FRMPD4: variants seen among roughly 807,000 people sequenced by gnomAD.
The protein encoded by FRMPD4 is FERM and PDZ domain-containing protein 4.
A neutral mutation model predicts 94.1 loss-of-function variants in FRMPD4; 22 were observed. That is an observed-to-expected ratio of 0.23 (90% CI 0.17 to 0.33). The LOEUF (loss-of-function observed/expected upper bound fraction) is 0.33, where lower values mean the gene tolerates loss of function less well. Among genes scored for constraint, FRMPD4 ranks in the 10% least tolerant of loss-of-function variants. The probability of loss-of-function intolerance (pLI) is 1.00; values close to 1 mark genes in which losing one functional copy is unlikely to be tolerated. For synonymous variants in FRMPD4, 631 were observed against 548.6 expected (o/e 1.15, Z -2.10); for missense variants, 1,111 against 1,339.9 (o/e 0.83, Z 2.67).
At chrX:11,861,220 T>G (rs960075631) in intron 1 of FRMPD4, among the ~76,000 whole-genome samples, 8 of 111,822 alleles carry the variant, frequency 7.2e-5, no homozygotes, top group African/African-American at 2.6e-4. Flanking sequence ...GAGGTATTAT[T>G]AGGACCTTAT....
intron 1 of FRMPD4, among the ~76,000 whole-genome samples, chrX:12,381,437 G>C (rs1162048156): frequency 8.9e-6 from 1 of 112,048 alleles, no homozygotes; most frequent in Non-Finnish European, 1.9e-5. Flanking sequence ...GCTCAAAGTT[G>C]ATTAAAATTA....
chrX:12,519,049 A>G (rs1206523895), intron 2 of FRMPD4, among the ~76,000 whole-genome samples: 4 of 112,781 alleles, frequency 3.5e-5, no homozygotes, highest in Non-Finnish European at 7.5e-5. Flanking sequence ...AGTAAAGACG[A>G]CAAAAATAAA....
intron 11 of FRMPD4, 52 bp downstream of exon 11, chrX:12,704,537 A>G (rs1442102532): frequency 1.1e-6 from 1 of 873,995 alleles, no homozygotes; most frequent in Non-Finnish European, 1.6e-6. Context: ...GCTTGAATGC[A>G]TTTTTTAAAT....
chrX:12,619,554 C>T (rs756321446), intron 4 of FRMPD4, among the ~76,000 whole-genome samples: 1 of 111,776 alleles, frequency 8.9e-6, no homozygotes, highest in Non-Finnish European at 1.9e-5. Context: ...GTGGCAGACT[C>T]ACTGACTATG....
intron 3 of FRMPD4, among the ~76,000 whole-genome samples, chrX:12,121,006 TATA>T (rs972557933): frequency 3.7e-4 from 40 of 108,980 alleles, no homozygotes; most frequent in East Asian, 1.1e-3. Flanking sequence ...TACTAATTTT[TATA>T]ATAATAATAC....
At chrX:12,119,260 T>C (rs929244628) in intron 3 of FRMPD4, among the ~76,000 whole-genome samples, 2 of 111,660 alleles carry the variant, frequency 1.8e-5, no homozygotes, top group Non-Finnish European at 1.9e-5. Context: ...GGATGCATCA[T>C]TGAGTAATAT....
At chrX:12,417,092 A>ATACTC (rs2148076221) in intron 1 of FRMPD4, among the ~76,000 whole-genome samples, 1 of 111,221 alleles carries the variant, frequency 9.0e-6, no homozygotes, top group Admixed American at 9.5e-5. Context: ...GCATGAGTGC[A>ATACTC]TACTCTAATA....
chrX:11,994,945 T>C (rs1395640603), intron 3 of FRMPD4, among the ~76,000 whole-genome samples: 1 of 111,833 alleles, frequency 8.9e-6, no homozygotes, highest in Admixed American at 9.5e-5. Flanking sequence ...TGATGTGTTA[T>C]GTCTGCTCTG....
chrX:12,417,355 G>T, intron 1 of FRMPD4, among the ~76,000 whole-genome samples: 1 of 109,896 alleles, frequency 9.1e-6, no homozygotes, highest in Non-Finnish European at 1.9e-5. Context: ...GAGGGGAGTG[G>T]ATCACCTGCG....
chrX:12,614,806 C>T lies in FRMPD4; in HGVS notation c.347C>T (p.Pro116Leu). ...GGCCCCTCTGAAGGCAAGCTGATCC[C>T]GGGAGATCAGATTGTAATGATTAAT... ...PGGPSEGKLIPGDQIVMINDE... is the reference protein window; with the variant it reads ...PGGPSEGKLILGDQIVMINDE... Residue 116 changes from proline (P) to leucine (L), a missense_variant, in exon 4 of 17, where the codon CCG (proline) becomes CTG (leucine). Coordinates refer to ENST00000675598, the MANE Select transcript of FRMPD4 (RefSeq NM_001368397.1). 2.5e-6 allele frequency: 3 copies of T among 1,187,415 alleles called. No individual in the cohort carries two copies. The highest frequency in any genetic ancestry group is 2.3e-6 in the Non-Finnish European group (2 of 874,627).
intron 1 of FRMPD4, among the ~76,000 whole-genome samples, chrX:12,405,462 T>C (rs144240250): frequency 1.2e-3 from 137 of 111,131 alleles, no homozygotes; most frequent in African/African-American, 4.4e-3. Flanking sequence ...ATTCCATGCA[T>C]AACAATCACA....
At chrX:12,317,887 G>C (rs1286742784) in intron 1 of FRMPD4, among the ~76,000 whole-genome samples, 1 of 111,976 alleles carries the variant, frequency 8.9e-6, no homozygotes, top group African/African-American at 3.2e-5. Context: ...TGGAAAACAG[G>C]ATGGAGGTTC....
chrX:12,701,824 G>A (rs377486892), intron 9 of FRMPD4, 50 bp from the exon 10 acceptor site: 206 of 1,183,036 alleles, frequency 1.7e-4, no homozygotes, highest in Non-Finnish European at 2.3e-4. Context: ...AAGTCCACGC[G>A]CTGCGGCCTA....
intron 1 of FRMPD4, among the ~76,000 whole-genome samples, chrX:12,333,792 TA>T (rs2055472002): frequency 8.9e-6 from 1 of 112,102 alleles, no homozygotes; most frequent in African/African-American, 3.2e-5. Flanking sequence ...ATAATTTATA[TA>T]AAAAGCATAC....
At position 12,051,678 on chromosome X, in the gene FRMPD4, A is replaced by T. The variant is rs2054819652; in HGVS notation, c.95+173660A>T. 4.5e-5 allele frequency among the ~76,000 whole-genome samples: 5 copies of T among 111,527 alleles called. No individual in the cohort carries two copies. The Admixed American group carries it at 4.8e-4, about 11-fold the overall frequency. On this transcript the variant is annotated intron_variant, in intron 3 of 18. Transcript: ENST00000640291. The stretch of plus-strand genomic sequence containing the variant: ...GTTTAAAATTGTAATGATCTTAGAG[A>T]TGACTTGGTCCAATTCTCCCACCCC...
intron 3 of FRMPD4, among the ~76,000 whole-genome samples, chrX:11,885,387 C>CT (rs1350680214): frequency 1.8e-5 from 2 of 110,081 alleles, no homozygotes; most frequent in Non-Finnish European, 3.8e-5. Context: ...TTGACAGGGG[C>CT]TGGGGGGTGG....
chrX:12,074,293 C>T (rs1164385724), intron 3 of FRMPD4, among the ~76,000 whole-genome samples: 1 of 111,555 alleles, frequency 9.0e-6, no homozygotes, highest in Non-Finnish European at 1.9e-5. Context: ...GGAGCTGACA[C>T]TCATCTCAGG....
chrX:12,409,185 A>G (rs943188958), intron 1 of FRMPD4, among the ~76,000 whole-genome samples: 2 of 111,896 alleles, frequency 1.8e-5, no homozygotes, highest in Non-Finnish European at 3.8e-5. Flanking sequence ...GTGGATTTCA[A>G]TACAGCACCT....
intron 4 of FRMPD4, among the ~76,000 whole-genome samples, chrX:12,663,399 GT>G (rs200933310): frequency 0.017 from 1,905 of 112,036 alleles, 32 homozygotes; most frequent in African/African-American, 0.058. Context: ...TATAGTTTCA[GT>G]TTTTTGCATA....
Sources: gnomAD v4.1 joint callset for allele counts (sites outside exome capture counted in the v4.1 genomes callset) on GRCh38, gnomAD v4.1.1 for gene constraint, MANE v1.5 for transcripts, NCBI Gene and HGNC (gene_info 2026-07-23, HGNC 2026-07-21) for gene names.